Variants in TRERF1 observed in about 807,000 individuals in gnomAD.
The protein encoded by TRERF1 is transcriptional-regulating factor 1.
In TRERF1, 27 loss-of-function variants were observed where a neutral mutation model predicts 122.9. That is an observed-to-expected ratio of 0.22 (90% CI 0.16 to 0.30). The LOEUF (loss-of-function observed/expected upper bound fraction) is 0.30. Ranked by LOEUF, TRERF1 falls within the 10% of genes least tolerant of loss-of-function variation. The pLI, the probability that TRERF1 is intolerant of heterozygous loss-of-function variation, is 1.00. For missense variants in TRERF1, 1,248 were observed against 1,560.3 expected (o/e 0.80, Z 3.37); for synonymous variants, 636 against 641.7 (o/e 0.99, Z 0.13).
chr6:42,296,536 C>A (rs146124427), intron 4 of TRERF1, among the ~76,000 whole-genome samples: 2 of 152,262 alleles, frequency 1.3e-5, no homozygotes, highest in Non-Finnish European at 2.9e-5. Context: ...CCCCATGTGA[C>A]CAATGAAGAA....
At chr6:42,430,814 C>G (rs531881848) in intron 2 of TRERF1, among the ~76,000 whole-genome samples, 1 of 151,382 alleles carries the variant, frequency 6.6e-6, no homozygotes, top group South Asian at 2.1e-4. Flanking sequence ...GGGAATCGCT[C>G]GAACCCAGGA....
intron 3 of TRERF1, among the ~76,000 whole-genome samples, chr6:42,333,858 G>A (rs1331181798): frequency 2.0e-5 from 3 of 152,072 alleles, no homozygotes; most frequent in South Asian, 2.1e-4. Flanking sequence ...GAATCCCAAC[G>A]GCCACATCCG....
chr6:42,279,353 C>A (rs966512848), intron 4 of TRERF1, among the ~76,000 whole-genome samples: 1 of 152,168 alleles, frequency 6.6e-6, no homozygotes, highest in African/African-American at 2.4e-5. Context: ...TTCAGCCAAA[C>A]AAAGGATCCC....
chr6:42,411,759 C>T (rs569916504), intron 2 of TRERF1, among the ~76,000 whole-genome samples: 27 of 152,262 alleles, frequency 1.8e-4, no homozygotes, highest in South Asian at 1.7e-3. Context: ...AGAGAACCAA[C>T]GTGTAGTGAC....
At chr6:42,238,190 G>C (rs1772716245) in intron 15 of TRERF1, among the ~76,000 whole-genome samples, 1 of 152,188 alleles carries the variant, frequency 6.6e-6, no homozygotes, top group Admixed American at 6.5e-5. Flanking sequence ...AGTAGCCCAT[G>C]GCCTACAGTT....
chr6:42,335,748 C>T (rs1387336503), intron 3 of TRERF1, among the ~76,000 whole-genome samples: 1 of 152,218 alleles, frequency 6.6e-6, no homozygotes, highest in Non-Finnish European at 1.5e-5. Flanking sequence ...GCTCAATCAT[C>T]CCTTCCTCAG....
chr6:42,233,031 C>G, intron 16 of TRERF1, 103 bp from the exon 17 acceptor site: 3 of 1,263,540 alleles, frequency 2.4e-6, no homozygotes, highest in Non-Finnish European at 3.2e-6. Flanking sequence ...AAACTTTGGG[C>G]ATATGCTACA....
chr6:42,363,468 T>C (rs2150969180), intron 2 of TRERF1, among the ~76,000 whole-genome samples: 1 of 152,274 alleles, frequency 6.6e-6, no homozygotes, highest in East Asian at 1.9e-4. Context: ...GCATCTCTCA[T>C]TAGGTTATTG....
At chr6:42,391,923 C>T (rs1017647729) in intron 2 of TRERF1, among the ~76,000 whole-genome samples, 38 of 152,174 alleles carry the variant, frequency 2.5e-4, no homozygotes, top group Non-Finnish European at 4.4e-4. Context: ...CCTGTATGTG[C>T]CAGGTGCTTG....
chr6:42,305,304 T>C (rs949754370), intron 3 of TRERF1, among the ~76,000 whole-genome samples: 1 of 152,178 alleles, frequency 6.6e-6, no homozygotes, highest in Non-Finnish European at 1.5e-5. Flanking sequence ...TGTGTGACTT[T>C]CCAAGGACCT....
At chr6:42,399,381 C>G (rs1779073961) in intron 2 of TRERF1, among the ~76,000 whole-genome samples, 1 of 152,134 alleles carries the variant, frequency 6.6e-6, no homozygotes, top group South Asian at 2.1e-4. Flanking sequence ...ACACTAAATT[C>G]CACCCCAGAG....
intron 3 of TRERF1, among the ~76,000 whole-genome samples, chr6:42,319,804 CTG>C (rs1415967350): frequency 6.0e-5 from 6 of 100,218 alleles, no homozygotes; most frequent in Admixed American, 1.0e-4. Context: ...CAGAGTGAGA[CTG>C]TGTTTCAAAA....
intron 2 of TRERF1, among the ~76,000 whole-genome samples, chr6:42,406,767 C>T (rs544699369): frequency 6.6e-6 from 1 of 152,174 alleles, no homozygotes; most frequent in East Asian, 1.9e-4. Context: ...CCCCCACCCC[C>T]CTCCTCCCCA....
rs1772236715 is a variant in TRERF1, at chr6:42,236,500, A to G, written c.2860-89T>C. On this transcript the variant is annotated intron_variant, in intron 15 of 17. Transcript: ENST00000372922. ...GAACTCACAGATCAACAGAGGAGAGAGGGGCAGGATGCTGGCGCTGTGTTC... is the reference window on the plus strand; with the variant it reads ...GAACTCACAGATCAACAGAGGAGAGGGGGGCAGGATGCTGGCGCTGTGTTC... The G allele has an allele frequency of 2.0e-6, 3 of 1,492,012 alleles. No homozygotes were observed. In the African/African-American group the frequency reaches 4.2e-5, roughly 21 times the overall value. The allele number at this position is 1,492,012 out of a possible 1,614,324, so 92.4% of individuals were successfully genotyped here.
chr6:42,269,016 G>T lies in TRERF1; in HGVS notation c.575C>A (p.Pro192His). The stretch of plus-strand genomic sequence containing the variant: ...GCGGGAAGGGATAGCCGGTGCTGGG[G>T]GCTCCATGGGCTTCTGAGACAGCAG... The change falls in exon 5 of 18, where the codon CCC becomes CAC. Residue 192 changes from proline to histidine, a missense_variant. By Grantham distance (77) the Pro-to-His change is moderately conservative. Coordinates refer to ENST00000372922, the Ensembl canonical transcript of TRERF1. This position sits in a 1 kb window ranked among gnomAD's most constrained non-coding sequence, Gnocchi z 4.9. The T allele has an allele frequency of 6.2e-7, 1 of 1,613,928 alleles. No homozygotes were observed. Among genetic ancestry groups the T allele is most frequent in the Non-Finnish European group, 8.5e-7 (1 of 1,179,862 alleles).
intron 2 of TRERF1, among the ~76,000 whole-genome samples, chr6:42,391,549 G>A (rs1777736610): frequency 1.3e-5 from 2 of 152,202 alleles, no homozygotes; most frequent in East Asian, 3.9e-4. Context: ...ATGGCCTCAG[G>A]GAGTCCTCCT....
chr6:42,353,237 T>C (rs1037536915), intron 3 of TRERF1, among the ~76,000 whole-genome samples: 4 of 151,966 alleles, frequency 2.6e-5, no homozygotes, highest in African/African-American at 9.7e-5. Context: ...AAAGAAATAA[T>C]TAAACAAGTA....
chr6:42,262,351 A>T (rs1017888310), intron 8 of TRERF1, among the ~76,000 whole-genome samples: 5 of 151,662 alleles, frequency 3.3e-5, no homozygotes, highest in Non-Finnish European at 5.9e-5. Context: ...ATTCCTAAGG[A>T]CAAATATGAC....
intron 13 of TRERF1, among the ~76,000 whole-genome samples, chr6:42,252,019 G>A (rs1214424079): frequency 6.6e-6 from 1 of 152,188 alleles, no homozygotes; most frequent in Non-Finnish European, 1.5e-5. Context: ...TGCTAATTGG[G>A]AACCACTGCA....
Sources: gnomAD v4.1 joint callset for allele counts (sites outside exome capture counted in the v4.1 genomes callset) on GRCh38, gnomAD v4.1.1 for gene constraint, Gnocchi (gnomAD v3.1) non-coding constraint, MANE v1.5 for transcripts, NCBI Gene and HGNC (gene_info 2026-07-23, HGNC 2026-07-21) for gene names.